MID1: variants seen among roughly 807,000 people sequenced by gnomAD.
MID1 encodes midline 1.
Under a neutral mutation model 40.4 loss-of-function variants are expected in MID1, and 7 were observed. The ratio of observed to expected loss-of-function variants is 0.17; its 90% CI spans 0.10 to 0.33. The LOEUF (loss-of-function observed/expected upper bound fraction) is 0.33. Ranked by LOEUF, MID1 falls within the 10% of genes least tolerant of loss-of-function variation. MID1 has a pLI of 1.00. For synonymous variants in MID1, 229 were observed against 221.2 expected (o/e 1.04, Z -0.31); for missense variants, 367 against 558.5 (o/e 0.66, Z 3.46).
chrX:10,456,534 G>A (rs1928679549), intron 8 of MID1, among the ~76,000 whole-genome samples: 1 of 112,576 alleles, frequency 8.9e-6, no homozygotes, highest in Non-Finnish European at 1.9e-5. Flanking sequence ...ATCTATTTCT[G>A]TACATATCAA....
chrX:10,689,412 AG>A, intron 1 of MID1, among the ~76,000 whole-genome samples: 1 of 111,338 alleles, frequency 9.0e-6, no homozygotes, highest in East Asian at 2.8e-4. Context: ...AGAACAGCAC[AG>A]GGGAAATCCG....
rs758523054 is a variant in MID1 at position 10,697,711 on chromosome X, G to A, written c.-186-77292C>T. On this transcript the variant is annotated intron_variant, in intron 1 of 10. Transcript: ENST00000380785. ...CCAGTGGTGGTTTGTTTTTGGAGCC[G>A]TGGTTGGGCAGCAGGGGGTGGCTGT... Among the ~76,000 whole-genome samples, 3 of 111,676 alleles carry A rather than the reference G, an allele frequency of 2.7e-5. No homozygotes were observed. In the South Asian group the frequency reaches 1.1e-3, roughly 42 times the overall value.
At chrX:10,825,418 A>G (rs1373933305) in intron 1 of MID1, among the ~76,000 whole-genome samples, 1 of 112,203 alleles carries the variant, frequency 8.9e-6, no homozygotes, top group Non-Finnish European at 1.9e-5. Context: ...ACTCAAGGGT[A>G]GTGGAATTAC....
chrX:10,817,512 TTCTCTTTCTTTCTTTC>T (rs2044143482), intron 1 of MID1, among the ~76,000 whole-genome samples: 1 of 91,717 alleles, frequency 1.1e-5, no homozygotes, highest in Non-Finnish European at 2.2e-5. Context: ...TTTTCTTTTT[TTCTCTTTCTTTCTTTC>T]TTTCTTTCTT....
In MID1 at chrX:10,448,158, C is replaced by G. The variant is rs748741316; in HGVS notation, c.*1210G>C. Reference sequence around the variant, plus strand: ...CAACTCTATTGTAAACTATACTAGACTATAGAGGGACTTCTACATCTTTCA... The same window carrying G: ...CAACTCTATTGTAAACTATACTAGAGTATAGAGGGACTTCTACATCTTTCA... On this transcript the variant is annotated 3_prime_UTR_variant, in exon 10 of 10. Transcript: ENST00000317552. 13 of 106,262 alleles carry G rather than the reference C, an allele frequency of 1.2e-4. No individual in the cohort carries two copies. The highest frequency in any genetic ancestry group is 1.3e-4 in the Non-Finnish European group (7 of 51,995). The allele number at this position is 106,262 out of a possible 1,213,427, so 8.8% of individuals were successfully genotyped here. A position where few individuals can be genotyped will look rare whatever the true frequency, so the allele number is the denominator to read the frequency against.
chrX:10,630,438 A>G (rs994774989), intron 1 of MID1, among the ~76,000 whole-genome samples: 3 of 110,954 alleles, frequency 2.7e-5, no homozygotes, highest in Non-Finnish European at 3.8e-5. Flanking sequence ...GGTGAACTCA[A>G]CCAACGCAGG....
intron 2 of MID1, among the ~76,000 whole-genome samples, chrX:10,551,492 A>G (rs1602390629): frequency 8.9e-6 from 1 of 112,240 alleles, no homozygotes; most frequent in East Asian, 2.8e-4. Context: ...TTGACTATGT[A>G]TTTAAAATTT....
chrX:10,533,373 AAAGAAAAAGAAAGAAAGAAAAG>A (rs1933080842), intron 2 of MID1, among the ~76,000 whole-genome samples: 3 of 84,270 alleles, frequency 3.6e-5, no homozygotes, highest in Non-Finnish European at 4.5e-5. Context: ...AGAAAGAAAG[AAAGAAAAAGAAAGAAAGAAAAG>A]AAAGAAAGAA....
chrX:10,680,441 A>T (rs2043051331), intron 1 of MID1, among the ~76,000 whole-genome samples: 1 of 112,067 alleles, frequency 8.9e-6, no homozygotes, highest in African/African-American at 3.2e-5. Context: ...ACTTTAAAAA[A>T]TTTAAATGTT....
At chrX:10,604,325 T>A (rs934963173) in intron 1 of MID1, among the ~76,000 whole-genome samples, 3 of 111,602 alleles carry the variant, frequency 2.7e-5, no homozygotes, top group Non-Finnish European at 5.6e-5. Context: ...AAGAGCGGCA[T>A]GAGAAAACCT....
intron 1 of MID1, among the ~76,000 whole-genome samples, chrX:10,798,415 G>C (rs1602584165): frequency 8.9e-6 from 1 of 112,051 alleles, no homozygotes; most frequent in East Asian, 2.8e-4. Flanking sequence ...CTCTCTCCTA[G>C]TTTGCTTTAT....
At chrX:10,700,451 C>G (rs1602524600) in intron 1 of MID1, among the ~76,000 whole-genome samples, 1 of 111,095 alleles carries the variant, frequency 9.0e-6, no homozygotes, top group East Asian at 2.8e-4. Context: ...ACTCAGGAGG[C>G]TGAGGTGGGA....
chrX:10,650,587 C>G (rs1569138119), intron 1 of MID1, among the ~76,000 whole-genome samples: 6 of 111,652 alleles, frequency 5.4e-5, no homozygotes, highest in Admixed American at 2.9e-4. Flanking sequence ...AAACTTTGTT[C>G]CAGACCATTG....
intron 1 of MID1, among the ~76,000 whole-genome samples, chrX:10,819,141 TTCTC>T (rs1189636695): frequency 9.1e-6 from 1 of 110,444 alleles, no homozygotes; most frequent in Non-Finnish European, 1.9e-5. Flanking sequence ...TGTGTACACA[TTCTC>T]TCTCTCTCCC....
At chrX:10,625,431 G>A (rs1935985547), upstream of MID1, among the ~76,000 whole-genome samples, 1 of 112,539 alleles carries the variant, frequency 8.9e-6, no homozygotes, top group African/African-American at 3.2e-5. Context: ...ACCGTCACAA[G>A]GCCCATGCCC....
chrX:10,781,009 C>T (rs1189261171), intron 1 of MID1, among the ~76,000 whole-genome samples: 1 of 111,754 alleles, frequency 8.9e-6, no homozygotes, highest in Non-Finnish European at 1.9e-5. Context: ...GCTGTGTGGC[C>T]CAGTTCCTAA....
intron 1 of MID1, among the ~76,000 whole-genome samples, chrX:10,694,660 A>T (rs1206549905): frequency 1.8e-5 from 2 of 112,343 alleles, no homozygotes; most frequent in African/African-American, 6.5e-5. Context: ...CCAAGAAATA[A>T]GAGAGACAAA....
chrX:10,785,263 TG>T, intron 1 of MID1, among the ~76,000 whole-genome samples: 1 of 110,099 alleles, frequency 9.1e-6, no homozygotes, highest in East Asian at 2.8e-4. Context: ...TTACAAGGGA[TG>T]TGAAGGACCT....
intron 1 of MID1, among the ~76,000 whole-genome samples, chrX:10,763,562 T>C (rs1167460403): frequency 9.0e-6 from 1 of 110,994 alleles, no homozygotes; most frequent in East Asian, 2.8e-4. Context: ...ATCCAGTCTA[T>C]CATTGATGAA....
Sources: gnomAD v4.1 joint callset for allele counts (sites outside exome capture counted in the v4.1 genomes callset) on GRCh38, gnomAD v4.1.1 for gene constraint, MANE v1.5 for transcripts, NCBI Gene and HGNC (gene_info 2026-07-23, HGNC 2026-07-21) for gene names.